The following TESC variants were observed in gnomAD, a reference collection of about 807,000 sequenced individuals.
TESC encodes the protein calcineurin B homologous protein 3.
Under a neutral mutation model 31.0 loss-of-function variants are expected in TESC, and 19 were observed. That is an observed-to-expected ratio of 0.61 (90% CI 0.43 to 0.90). The LOEUF is 0.90. TESC is among the 40% of genes least tolerant of loss of function. TESC has a pLI of 0.00. For synonymous variants in TESC, 109 were observed against 114.8 expected, an observed-to-expected ratio of 0.95 and a Z score of 0.32; for missense variants, 248 against 303.8, an observed-to-expected ratio of 0.82 and a Z score of 1.36.
rs560136563 is a variant in TESC, at chr12:117,070,217, A to G, written c.128+5054T>C. 9.2e-5 allele frequency among the ~76,000 whole-genome samples: 14 copies of G among 152,356 alleles called. No homozygotes were observed. In the South Asian group the frequency reaches 2.7e-3, roughly 29 times the overall value. ...AAACCCCTGGCAGAGAGGGGACAGC[A>G]CTGGGGATCAGTTCCCAAGCCAGGG... On this transcript the variant is annotated intron_variant, in intron 2 of 7. Coordinates refer to ENST00000335209, the MANE Select transcript of TESC (RefSeq NM_017899.4).
chr12:117,075,881 A>ATATATATATATATATATGTG (rs1955052927), intron 1 of TESC, among the ~76,000 whole-genome samples: 1 of 13,506 alleles, frequency 7.4e-5, no homozygotes, highest in Non-Finnish European at 1.2e-4. Context: ...GTGTGTATAT[A>ATATATATATATATATATGTG]TATATATATA....
At chr12:117,039,249 C>T (rs757871920) in intron 7 of TESC, 39 bp from the exon 8 acceptor site, 43 of 1,584,476 alleles carry the variant, frequency 2.7e-5, no homozygotes, top group Non-Finnish European at 3.5e-5. Context: ...ACGTTCCCGC[C>T]GCCACCTCAC....
At chr12:117,070,547 C>T (rs943386086) in intron 2 of TESC, among the ~76,000 whole-genome samples, 1 of 152,138 alleles carries the variant, frequency 6.6e-6, no homozygotes, top group Admixed American at 6.5e-5. Context: ...AGTAGCAGGG[C>T]AGGAAGACTG....
intron 6 of TESC, among the ~76,000 whole-genome samples, chr12:117,046,209 A>T (rs1037195743): frequency 3.3e-5 from 5 of 152,188 alleles, no homozygotes; most frequent in African/African-American, 1.2e-4. Context: ...AAACCAATTA[A>T]GGCCAGCCTG....
intron 2 of TESC, among the ~76,000 whole-genome samples, chr12:117,060,154 A>T (rs1006029298): frequency 2.0e-5 from 3 of 152,160 alleles, no homozygotes; most frequent in Non-Finnish European, 2.9e-5. Context: ...TGTGCATTAC[A>T]GCTCCATAAA....
intron 3 of TESC, among the ~76,000 whole-genome samples, chr12:117,049,935 G>A (rs1309951028): frequency 2.0e-5 from 3 of 149,770 alleles, no homozygotes; most frequent in Non-Finnish European, 4.4e-5. Context: ...GGAAGAAGAG[G>A]AAGAAGACTT....
chr12:117,080,737 C>A (rs1226526471), intron 1 of TESC, among the ~76,000 whole-genome samples: 1 of 152,172 alleles, frequency 6.6e-6, no homozygotes. Context: ...TGAGCTGCTT[C>A]CTCCTAACTG....
intron 2 of TESC, among the ~76,000 whole-genome samples, chr12:117,065,161 T>C (rs558578362): frequency 7.7e-4 from 117 of 152,230 alleles, no homozygotes; most frequent in Non-Finnish European, 1.2e-3. Flanking sequence ...GACAGTCTCA[T>C]AGGACCCTCC....
intron 6 of TESC, among the ~76,000 whole-genome samples, chr12:117,046,137 G>A (rs1264909004): frequency 6.6e-5 from 10 of 152,126 alleles, no homozygotes; most frequent in East Asian, 3.8e-4. Flanking sequence ...CCCCCAATAG[G>A]GCTCCCTGCT....
intron 2 of TESC, among the ~76,000 whole-genome samples, chr12:117,072,091 C>T (rs11068314): frequency 0.12 from 18,491 of 152,148 alleles, 1,208 homozygotes; most frequent in African/African-American, 0.13. Flanking sequence ...CAGGGCTCAG[C>T]GCCTAGAACC....
intron 1 of TESC, among the ~76,000 whole-genome samples, chr12:117,078,881 C>T (rs1477991609): frequency 6.6e-6 from 1 of 152,214 alleles, no homozygotes; most frequent in Non-Finnish European, 1.5e-5. Context: ...CAGCCTACAA[C>T]ATGATCCCAT....
At chr12:117,071,465 T>C (rs1429753672) in intron 2 of TESC, among the ~76,000 whole-genome samples, 3 of 152,126 alleles carry the variant, frequency 2.0e-5, no homozygotes, top group African/African-American at 7.2e-5. Flanking sequence ...AGACGTGTCT[T>C]GGAAATGTGG....
At chr12:117,042,938 G>C (rs1954506353) in intron 6 of TESC, among the ~76,000 whole-genome samples, 1 of 152,114 alleles carries the variant, frequency 6.6e-6, no homozygotes, top group Non-Finnish European at 1.5e-5. Context: ...CATCGCCAAG[G>C]TCTGATTGCA....
chr12:117,099,187 C>T (rs1365476124), intron 1 of TESC, 38 bp downstream of exon 1: 10 of 1,474,094 alleles, frequency 6.8e-6, no homozygotes, highest in Non-Finnish European at 8.9e-6. Context: ...TTCGGAGGTC[C>T]CGCCCCGGTC....
At chr12:117,073,016 G>T (rs1383131835) in intron 2 of TESC, among the ~76,000 whole-genome samples, 1 of 152,192 alleles carries the variant, frequency 6.6e-6, no homozygotes, top group Non-Finnish European at 1.5e-5. Context: ...GAAGGAACAA[G>T]CAAAGCACGC....
intron 4 of TESC, 71 bp from the exon 5 acceptor site, chr12:117,046,909 C>T (rs1352490371): frequency 6.8e-7 from 1 of 1,480,386 alleles, no homozygotes; most frequent in African/African-American, 1.4e-5. Flanking sequence ...GAAATGTACA[C>T]TAAACTAAGC....
chr12:117,042,550 C>T (rs766587477), intron 6 of TESC, among the ~76,000 whole-genome samples: 6 of 149,624 alleles, frequency 4.0e-5, no homozygotes, highest in Non-Finnish European at 7.4e-5. Flanking sequence ...CGTGAGTCAC[C>T]GTGATAACTC....
intron 6 of TESC, among the ~76,000 whole-genome samples, chr12:117,044,471 C>G (rs970450536): frequency 6.6e-6 from 1 of 152,082 alleles, no homozygotes; most frequent in East Asian, 1.9e-4. Context: ...TGGCCAGAGT[C>G]TGGGGCTGGA....
chr12:117,097,764 C>A (rs1955415155), intron 1 of TESC, among the ~76,000 whole-genome samples: 1 of 152,160 alleles, frequency 6.6e-6, no homozygotes, highest in Non-Finnish European at 1.5e-5. Context: ...CCCCACCAAG[C>A]ATCCATTCGT....
Sources: gnomAD v4.1 joint callset for allele counts (sites outside exome capture counted in the v4.1 genomes callset) on GRCh38, gnomAD v4.1.1 for gene constraint, MANE v1.5 for transcripts, NCBI Gene and HGNC (gene_info 2026-07-23, HGNC 2026-07-21) for gene names.